GRIN2B: variants seen among roughly 807,000 people sequenced by gnomAD.
GRIN2B encodes the protein glutamate receptor ionotropic, NMDA 2B.
In GRIN2B, 5 loss-of-function variants were observed where a neutral mutation model predicts 114.5. The ratio of observed to expected loss-of-function variants is 0.04; its 90% CI spans 0.02 to 0.09. GRIN2B has a LOEUF of 0.09. GRIN2B is among the 10% of genes least tolerant of loss of function. GRIN2B has a pLI of 1.00. For missense variants in GRIN2B, 1,108 were observed against 1,943.5 expected, an observed-to-expected ratio of 0.57 and a Z score of 8.08; for synonymous variants, 787 against 745.1, an observed-to-expected ratio of 1.06 and a Z score of -0.92.
At chr12:13,622,533 C>A (rs1949528294) in intron 5 of GRIN2B, among the ~76,000 whole-genome samples, 1 of 152,014 alleles carries the variant, frequency 6.6e-6, no homozygotes, top group Non-Finnish European at 1.5e-5. Flanking sequence ...TTTGCTCAAT[C>A]TTTGTTTTTC....
intron 3 of GRIN2B, among the ~76,000 whole-genome samples, chr12:13,809,585 C>T (rs1425417424): frequency 6.6e-6 from 1 of 152,084 alleles, no homozygotes; most frequent in Non-Finnish European, 1.5e-5. Flanking sequence ...AGATAGAATT[C>T]ATAAAGTAAA....
intron 4 of GRIN2B, among the ~76,000 whole-genome samples, chr12:13,697,592 A>G (rs1192536227): frequency 6.6e-6 from 1 of 152,116 alleles, no homozygotes; most frequent in Non-Finnish European, 1.5e-5. Context: ...AAGAGGCTCT[A>G]CTCCATGTTC....
intron 5 of GRIN2B, among the ~76,000 whole-genome samples, chr12:13,644,208 T>C (rs1374045070): frequency 2.0e-5 from 3 of 152,174 alleles, no homozygotes; most frequent in Non-Finnish European, 4.4e-5. Context: ...CCTTGATCCA[T>C]AGGCTGTTGA....
intron 2 of GRIN2B, among the ~76,000 whole-genome samples, chr12:13,953,897 G>A (rs1372397338): frequency 6.6e-6 from 1 of 152,174 alleles, no homozygotes; most frequent in Non-Finnish European, 1.5e-5. Context: ...GAATTACCTA[G>A]TATGGGCTGT....
chr12:13,881,011 TGTGC>T (rs1289516486), intron 2 of GRIN2B, among the ~76,000 whole-genome samples: 4 of 119,568 alleles, frequency 3.3e-5, no homozygotes, highest in South Asian at 2.4e-4. Context: ...TGTGTGTGTG[TGTGC>T]GCGTGCGCGC....
At chr12:13,827,519 T>C (rs1865065961) in intron 3 of GRIN2B, among the ~76,000 whole-genome samples, 1 of 152,142 alleles carries the variant, frequency 6.6e-6, no homozygotes, top group African/African-American at 2.4e-5. Flanking sequence ...TCCTTCATAT[T>C]TTATTACAAT....
At chr12:13,862,813 C>T (rs561316722) in intron 3 of GRIN2B, among the ~76,000 whole-genome samples, 1 of 152,302 alleles carries the variant, frequency 6.6e-6, no homozygotes, top group African/African-American at 2.4e-5. Context: ...CATTCCTCTG[C>T]ATGGCTGCTG....
chr12:13,914,184 G>C (rs550038895), intron 2 of GRIN2B, among the ~76,000 whole-genome samples: 1 of 152,028 alleles, frequency 6.6e-6, no homozygotes, highest in Non-Finnish European at 1.5e-5. Context: ...CAAATCAATT[G>C]TCTCACCTTT....
intron 2 of GRIN2B, among the ~76,000 whole-genome samples, chr12:13,871,443 A>G (rs1865905283): frequency 6.6e-6 from 1 of 151,968 alleles, no homozygotes; most frequent in Non-Finnish European, 1.5e-5. Flanking sequence ...AGGGAAACTA[A>G]AATTCCTTTG....
Position 13,810,211 on chromosome 12 carries a change from C to G in GRIN2B, c.411+55587G>C, listed in dbSNP as rs187341786. On this transcript the variant is annotated intron_variant, in intron 3 of 13. Transcript: ENST00000609686. ...CTTTCCGCATAGTACTTAATTCTGTCTCAAATCATTTTTTTTTTTTTCGAG... is the reference window on the plus strand; with the variant it reads ...CTTTCCGCATAGTACTTAATTCTGTGTCAAATCATTTTTTTTTTTTTCGAG... 4.7e-3 allele frequency among the ~76,000 whole-genome samples: 705 copies of G among 149,882 alleles called. 3 individuals carry two copies. Among genetic ancestry groups the G allele is most frequent in the South Asian group, 0.012 (56 of 4,676 alleles).
chr12:13,570,378 A>T (rs1312527576), intron 11 of GRIN2B, among the ~76,000 whole-genome samples: 1 of 152,256 alleles, frequency 6.6e-6, no homozygotes, highest in African/African-American at 2.4e-5. Context: ...GCATGGGGTT[A>T]GATTTATATA....
At chr12:13,603,144 A>G (rs889353799) in intron 10 of GRIN2B, among the ~76,000 whole-genome samples, 1 of 152,228 alleles carries the variant, frequency 6.6e-6, no homozygotes, top group African/African-American at 2.4e-5. Flanking sequence ...AGTCAATTTG[A>G]GGGCCATTAG....
At chr12:13,746,725 T>C (rs553704647) in intron 4 of GRIN2B, among the ~76,000 whole-genome samples, 18 of 152,332 alleles carry the variant, frequency 1.2e-4, no homozygotes, top group African/African-American at 3.6e-4. Context: ...GTCACAGACA[T>C]GGATCTCTCA....
chr12:13,563,376 A>ACC lies in GRIN2B; in HGVS notation c.3861_3862insGG (p.Ser1288GlyfsTer36). On this transcript the variant is annotated frameshift_variant, in exon 14 of 14. Coordinates refer to ENST00000609686, the MANE Select transcript of GRIN2B (RefSeq NM_000834.5). LOFTEE classifies it high-confidence loss of function. ...TTCCGGTTCTTCTTCTGGGCCTTGG[A>ACC]ATTAGTCGGGCTCTGAGGGTACTTA... is the stretch of plus-strand genomic sequence containing the variant. The ACC allele has an allele frequency of 6.2e-7, 1 of 1,614,016 alleles. No homozygotes were observed. The highest frequency in any genetic ancestry group is 8.5e-7 in the Non-Finnish European group (1 of 1,180,008).
chr12:13,969,994 A>G (rs775085366), intron 2 of GRIN2B, among the ~76,000 whole-genome samples: 51 of 152,204 alleles, frequency 3.4e-4, no homozygotes, highest in Admixed American at 1.6e-3. Flanking sequence ...CTGGGATTAT[A>G]GGCAACTGCC....
At chr12:13,866,726 A>G (rs1307418633) in intron 2 of GRIN2B, among the ~76,000 whole-genome samples, 2 of 152,170 alleles carry the variant, frequency 1.3e-5, no homozygotes, top group African/African-American at 2.4e-5. Context: ...CCTTCACCTT[A>G]TGTTTGCCTC....
In GRIN2B at chr12:13,720,546, T is replaced by C. The variant is rs947876077; in HGVS notation, c.1010+32771A>G. Among the ~76,000 whole-genome samples the C allele has an allele frequency of 3.9e-5, 6 of 152,128 alleles. No individual in the cohort carries two copies. In the South Asian group the frequency reaches 1.2e-3, roughly 31 times the overall value. Reference sequence around the variant, plus strand: ...TCAAAAAACATGAACTAAAAGTCCCTTATTGGCTTCCTTCTACCAGCAGAT... The same window carrying C: ...TCAAAAAACATGAACTAAAAGTCCCCTATTGGCTTCCTTCTACCAGCAGAT... On this transcript the variant is annotated intron_variant, in intron 4 of 13. Coordinates refer to ENST00000609686, the MANE Select transcript of GRIN2B (RefSeq NM_000834.5).
At chr12:13,884,813 G>GTA (rs547754536) in intron 2 of GRIN2B, among the ~76,000 whole-genome samples, 43 of 152,144 alleles carry the variant, frequency 2.8e-4, no homozygotes, top group African/African-American at 9.2e-4. Flanking sequence ...ATATGTGTGT[G>GTA]TATATATATA....
intron 2 of GRIN2B, among the ~76,000 whole-genome samples, chr12:13,979,438 T>C (rs980924072): frequency 1.3e-5 from 2 of 151,524 alleles, no homozygotes; most frequent in African/African-American, 4.9e-5. Flanking sequence ...TTTTTATCTG[T>C]TTTAAAGGGC....
Sources: allele counts gnomAD v4.1 joint callset (sites outside exome capture counted in the v4.1 genomes callset), GRCh38; gene constraint gnomAD v4.1.1; transcripts MANE v1.5; gene names NCBI Gene and HGNC (gene_info 2026-07-23, HGNC 2026-07-21).